Variants in KAZN observed in about 807,000 individuals in gnomAD.
KAZN encodes kazrin, periplakin interacting protein.
A neutral mutation model predicts 87.4 loss-of-function variants in KAZN; 40 were observed. The observed-to-expected ratio is 0.46, with a 90% confidence interval of 0.36 to 0.60. The LOEUF is 0.60. KAZN is among the 20% of genes least tolerant of loss of function. The probability of loss-of-function intolerance (pLI) is 0.00; values close to 1 mark genes in which losing one functional copy is unlikely to be tolerated. For synonymous variants in KAZN, 466 were observed against 458.3 expected (o/e 1.02, Z -0.22); for missense variants, 898 against 1,073.9 (o/e 0.84, Z 2.29).
chr1:15,028,783 G>A (rs1294767788), intron 2 of KAZN, among the ~76,000 whole-genome samples: 1 of 152,232 alleles, frequency 6.6e-6, no homozygotes, highest in African/African-American at 2.4e-5. Context: ...TGGGCAGAGC[G>A]AGGAGCGCCC....
chr1:14,514,405 AT>A (rs1419325942), intron 2 of KAZN, among the ~76,000 whole-genome samples: 2 of 31,732 alleles, frequency 6.3e-5, no homozygotes, highest in African/African-American at 2.8e-4. Flanking sequence ...ATTTATATAT[AT>A]AATATATAAA....
chr1:15,027,067 C>CTTTTTT (rs1442824114), intron 2 of KAZN, among the ~76,000 whole-genome samples: 16 of 62,208 alleles, frequency 2.6e-4, no homozygotes, highest in African/African-American at 7.5e-4. Context: ...CAAGCCAGTG[C>CTTTTTT]TTCTTTTTTT....
chr1:14,138,348 G>A (rs552003899), intron 1 of KAZN, among the ~76,000 whole-genome samples: 5 of 152,112 alleles, frequency 3.3e-5, no homozygotes, highest in African/African-American at 4.8e-5. Context: ...TAGGAGTCAC[G>A]TCCAGACTTG....
Position 14,571,238 on chromosome 1 carries a change from CT to C in KAZN, c.250-27734del, listed in dbSNP as rs542542332. On this transcript the variant is annotated intron_variant, in intron 2 of 16. Transcript: ENST00000636203. ...AGTCAATTTTTTCAGAATGCTTCTG[CT>C]TTTTTTTTTTCAAACTACTATTGAG... Among the ~76,000 whole-genome samples the C allele has an allele frequency of 6.0e-3, 875 of 145,324 alleles. 13 individuals carry two copies. Among genetic ancestry groups the C allele is most frequent in the African/African-American group, 0.02 (805 of 39,846 alleles).
chr1:14,563,029 G>A (rs1674345987), intron 2 of KAZN, among the ~76,000 whole-genome samples: 1 of 152,198 alleles, frequency 6.6e-6, no homozygotes, highest in East Asian at 1.9e-4. Flanking sequence ...TCAGGCAGAG[G>A]AGGACCAGGA....
chr1:14,953,300 G>A (rs960535552), intron 1 of KAZN, among the ~76,000 whole-genome samples: 5 of 152,262 alleles, frequency 3.3e-5, no homozygotes, highest in Non-Finnish European at 5.9e-5. Flanking sequence ...ACCAAGCCAA[G>A]CCTGGTTGCC....
chr1:14,652,506 C>CCTATCCGCCTAT (rs1638470225), intron 1 of KAZN, among the ~76,000 whole-genome samples: 1 of 7,458 alleles, frequency 1.3e-4, no homozygotes. Context: ...CACCTATCTA[C>CCTATCCGCCTAT]CTATCCACCC....
intron 1 of KAZN, among the ~76,000 whole-genome samples, chr1:14,084,586 G>T (rs1643793981): frequency 6.6e-6 from 1 of 152,010 alleles, no homozygotes; most frequent in South Asian, 2.1e-4. Flanking sequence ...CAAGTTCAAG[G>T]TGATGCAGTT....
intron 2 of KAZN, among the ~76,000 whole-genome samples, chr1:14,474,212 A>G (rs559557710): frequency 6.6e-6 from 1 of 152,280 alleles, no homozygotes; most frequent in Admixed American, 6.5e-5. Flanking sequence ...TTTCTAGTAC[A>G]TGCAAATACC....
At chr1:15,033,746 T>C (rs1481966722) in intron 2 of KAZN, among the ~76,000 whole-genome samples, 1 of 152,202 alleles carries the variant, frequency 6.6e-6, no homozygotes, top group Non-Finnish European at 1.5e-5. Flanking sequence ...ATTTTGTTTG[T>C]TTGTTTGTTT....
intron 13 of KAZN, among the ~76,000 whole-genome samples, chr1:15,105,204 C>A (rs1163066966): frequency 6.6e-6 from 1 of 152,210 alleles, no homozygotes; most frequent in Non-Finnish European, 1.5e-5. Flanking sequence ...ATTCTCTCCT[C>A]TTCTGGGTTT....
chr1:14,603,188 T>C (rs1315859139), intron 1 of KAZN, among the ~76,000 whole-genome samples: 1 of 152,244 alleles, frequency 6.6e-6, no homozygotes, highest in Non-Finnish European at 1.5e-5. Flanking sequence ...CCTTCTCAAT[T>C]CATTCTGCCT....
At chr1:14,472,234 T>C (rs1668495421) in intron 2 of KAZN, among the ~76,000 whole-genome samples, 2 of 152,154 alleles carry the variant, frequency 1.3e-5, no homozygotes. Context: ...GGTTTCAAGA[T>C]ATAAATTTTG....
At chr1:14,391,607 G>C (rs990874253) in intron 2 of KAZN, 5 of 152,198 alleles carry the variant, frequency 3.3e-5, no homozygotes, top group Non-Finnish European at 7.3e-5. Flanking sequence ...AAATCCATTA[G>C]AAAGGAAACA....
Position 14,271,214 on chromosome 1 carries a change from C to T in KAZN, c.249+90622C>T, listed in dbSNP as rs543799766. ...CAGCCATATTGGATTAGGGCCCACC[C>T]TCATGACCTCATTTTACCTTGATTA... On this transcript the variant is annotated intron_variant, in intron 2 of 16. Coordinates refer to the KAZN transcript ENST00000636203. Among the ~76,000 whole-genome samples the T allele has an allele frequency of 1.7e-4, 26 of 152,314 alleles. No individual in the cohort carries two copies. In the South Asian group the frequency reaches 4.8e-3, roughly 28 times the overall value.
At chr1:14,147,502 G>A (rs908694451) in intron 1 of KAZN, among the ~76,000 whole-genome samples, 1 of 152,134 alleles carries the variant, frequency 6.6e-6, no homozygotes, top group Non-Finnish European at 1.5e-5. Context: ...GGATTAAAAC[G>A]TCACTGCAGG....
At chr1:15,108,098 A>G (rs1177892999) in intron 13 of KAZN, among the ~76,000 whole-genome samples, 3 of 152,362 alleles carry the variant, frequency 2.0e-5, no homozygotes, top group Admixed American at 6.5e-5. Context: ...CAATTCCATT[A>G]CAAACTCAAA....
At chr1:13,948,833 A>G (rs1368480487) in intron 1 of KAZN, among the ~76,000 whole-genome samples, 2 of 152,136 alleles carry the variant, frequency 1.3e-5, no homozygotes, top group Non-Finnish European at 2.9e-5. Context: ...GAATGAAAAT[A>G]TGGCTCAAGG....
At chr1:14,761,157 C>A (rs1000085737) in intron 1 of KAZN, among the ~76,000 whole-genome samples, 1 of 152,180 alleles carries the variant, frequency 6.6e-6, no homozygotes, top group Non-Finnish European at 1.5e-5. Context: ...GCTGGAGAAT[C>A]CCAGCATTTT....
Sources: gnomAD v4.1 joint callset for allele counts (sites outside exome capture counted in the v4.1 genomes callset) on GRCh38, gnomAD v4.1.1 for gene constraint, MANE v1.5 for transcripts, NCBI Gene and HGNC (gene_info 2026-07-23, HGNC 2026-07-21) for gene names.